Variants in KYAT3 observed in about 807,000 individuals in gnomAD.
The protein encoded by KYAT3 is kynurenine aminotransferase 3.
A neutral mutation model predicts 59.0 loss-of-function variants in KYAT3; 50 were observed. The observed-to-expected ratio is 0.85, with a 90% confidence interval of 0.68 to 1.07. The LOEUF (loss-of-function observed/expected upper bound fraction) is 1.07, where lower values mean the gene tolerates loss of function less well. KYAT3 is among the 50% of genes least tolerant of loss of function. KYAT3 has a pLI of 0.00. For missense variants in KYAT3, 497 were observed against 533.3 expected, an observed-to-expected ratio of 0.93 and a Z score of 0.67; for synonymous variants, 148 against 177.0, an observed-to-expected ratio of 0.84 and a Z score of 1.30.
chr1:88,964,000 C>T (rs569246058), intron 5 of KYAT3, among the ~76,000 whole-genome samples: 4 of 152,114 alleles, frequency 2.6e-5, no homozygotes. Flanking sequence ...GTCAGGAGTT[C>T]GAGACCAGAC....
intron 8 of KYAT3, among the ~76,000 whole-genome samples, chr1:88,957,598 T>C (rs1675969589): frequency 6.6e-6 from 1 of 152,228 alleles, no homozygotes. Flanking sequence ...TTTTTGGTCT[T>C]ATTTAAACTT....
chr1:88,966,537 T>A (rs1676358340), intron 4 of KYAT3, among the ~76,000 whole-genome samples: 1 of 152,178 alleles, frequency 6.6e-6, no homozygotes, highest in South Asian at 2.1e-4. Flanking sequence ...TTTTAATATA[T>A]AGAAATACAA....
Position 88,982,748 on chromosome 1 carries a change from C to T in KYAT3, c.99+5504G>A, listed in dbSNP as rs765204514. 2.5e-6 allele frequency: 4 copies of T among 1,613,940 alleles called. No homozygotes were observed. In the East Asian group the frequency reaches 8.9e-5, roughly 36 times the overall value. ...GCGGCTTGAACTGCTGTAGGAATCA[C>T]GTGAAGAAGGGTACCCCCTTTCTAC... On this transcript the variant is annotated intron_variant, in intron 2 of 13. Transcript: ENST00000260508.
At chr1:88,987,027 G>A (rs1394138937) in intron 2 of KYAT3, among the ~76,000 whole-genome samples, 1 of 152,194 alleles carries the variant, frequency 6.6e-6, no homozygotes, top group East Asian at 1.9e-4. Flanking sequence ...CCACTGCTAG[G>A]TATGGAGAGG....
chr1:88,922,779 G>A, the KYAT3 span, among the ~76,000 whole-genome samples: 1 of 152,134 alleles, frequency 6.6e-6, no homozygotes, highest in Non-Finnish European at 1.5e-5. Context: ...TCCAACCAAT[G>A]TAGTTTGTAT....
At chr1:88,992,090 T>C (rs1012634466) in intron 1 of KYAT3, among the ~76,000 whole-genome samples, 2 of 151,640 alleles carry the variant, frequency 1.3e-5, no homozygotes, top group Non-Finnish European at 2.9e-5. Context: ...GCCATTTTCC[T>C]GCCTCAGCCT....
chr1:88,978,061 GTATGTATATAATATATACACA>G (rs1443866060), intron 2 of KYAT3, among the ~76,000 whole-genome samples: 1 of 151,826 alleles, frequency 6.6e-6, no homozygotes, highest in Non-Finnish European at 1.5e-5. Context: ...ATATAGATAT[GTATGTATATAATATATACACA>G]TATGTATATA....
At chr1:88,931,422 T>A (rs377701374), downstream of KYAT3, among the ~76,000 whole-genome samples, 4 of 152,166 alleles carry the variant, frequency 2.6e-5, no homozygotes, top group African/African-American at 9.7e-5. Flanking sequence ...TGCTAGCCCA[T>A]GCTCCAATGT....
intron 2 of KYAT3, chr1:88,979,481 T>C (rs1676966161): frequency 6.6e-6 from 1 of 152,118 alleles, no homozygotes; most frequent in African/African-American, 2.4e-5. Flanking sequence ...TTTAATACAG[T>C]ATATATAAAG....
chr1:88,966,732 A>G (rs1287071768), intron 4 of KYAT3, among the ~76,000 whole-genome samples: 3 of 152,072 alleles, frequency 2.0e-5, no homozygotes, highest in Admixed American at 6.5e-5. Context: ...GGACTCCAGT[A>G]CACTGATGAA....
intron 9 of KYAT3, among the ~76,000 whole-genome samples, chr1:88,954,504 C>T (rs1288523453): frequency 6.6e-6 from 1 of 152,080 alleles, no homozygotes; most frequent in Non-Finnish European, 1.5e-5. Context: ...TTAGAACCTG[C>T]CAAAATATTA....
chr1:88,923,005 C>T, the KYAT3 span, among the ~76,000 whole-genome samples: 3 of 152,140 alleles, frequency 2.0e-5, no homozygotes, highest in Admixed American at 6.5e-5. Flanking sequence ...TAAGGTAACA[C>T]TGACACACGG....
At position 88,962,145 on chromosome 1, in the gene KYAT3, C is replaced by T. The variant is rs1676173004; in HGVS notation, c.454G>A (p.Val152Ile). The T allele has an allele frequency of 1.9e-6, 3 of 1,609,266 alleles. No individual in the cohort carries two copies. The highest frequency in any genetic ancestry group is 2.7e-5 in the African/African-American group (2 of 74,812). Residue 152 changes from valine to isoleucine, a missense_variant and splice_region_variant, in exon 6 of 14, where the codon GTC (valine) becomes ATC (isoleucine). By Grantham distance (29) the Val-to-Ile change is conservative (BLOSUM62 3). Transcript: ENST00000260508. ...IQALIDEGDEVILIVPFYDCY... is the reference protein window; with the variant it reads ...IQALIDEGDEIILIVPFYDCY... ...TCATAGAAAGGCACTATTAGTATGA[C>T]CTGCAATAAAAGCAAATAAGATCAC...
chr1:88,986,190 A>AAAGAG (rs1677441441), intron 2 of KYAT3, among the ~76,000 whole-genome samples: 1 of 149,228 alleles, frequency 6.7e-6, no homozygotes, highest in Non-Finnish European at 1.5e-5. Context: ...TGAAAAAAAA[A>AAAGAG]AAAGAGAGAG....
In KYAT3 at chr1:88,969,456, C is replaced by T; in HGVS notation, c.111G>A (p.Leu37=). The change falls in exon 3 of 14, where the codon CTG becomes CTA. Residue 37 remains leucine, a synonymous_variant. Transcript: ENST00000260508. ...LGFSTSAKMS[L]KFTNAKRIEG... is the part of the protein sequence containing the mutation. ...CAATCCGTTTTGCATTTGTGAATTT[C>T]AGTGACATTTTCTGAAATATATAAA... The T allele has an allele frequency of 6.3e-7, 1 of 1,576,146 alleles. No homozygotes were observed. The highest frequency in any genetic ancestry group is 8.7e-7 in the Non-Finnish European group (1 of 1,147,464).
chr1:88,939,237 T>A (rs1312048032), intron 13 of KYAT3, among the ~76,000 whole-genome samples: 1 of 152,256 alleles, frequency 6.6e-6, no homozygotes, highest in African/African-American at 2.4e-5. Context: ...TATTTTTGCC[T>A]TAAATTTATT....
chr1:88,984,622 T>A (rs546100652), intron 2 of KYAT3, among the ~76,000 whole-genome samples: 2 of 152,252 alleles, frequency 1.3e-5, no homozygotes, highest in South Asian at 4.1e-4. Flanking sequence ...ATCTGCTGAG[T>A]GAAAGGGAAG....
intron 4 of KYAT3, 58 bp downstream of exon 4, chr1:88,968,612 G>T (rs1676432123): frequency 7.3e-7 from 1 of 1,360,902 alleles, no homozygotes; most frequent in South Asian, 1.6e-5. Flanking sequence ...CACACACACA[G>T]ACACACACCC....
At chr1:88,974,447 C>T (rs1352044213) in intron 2 of KYAT3, among the ~76,000 whole-genome samples, 1 of 145,494 alleles carries the variant, frequency 6.9e-6, no homozygotes, top group African/African-American at 2.5e-5. Flanking sequence ...TGTTGTCTTG[C>T]AATGCATTTT....
Sources: gnomAD v4.1 joint callset for allele counts (sites outside exome capture counted in the v4.1 genomes callset) on GRCh38, gnomAD v4.1.1 for gene constraint, MANE v1.5 for transcripts, NCBI Gene and HGNC (gene_info 2026-07-23, HGNC 2026-07-21) for gene names.